Variants in KATNIP observed in about 807,000 individuals in gnomAD.
The protein encoded by KATNIP is katanin-interacting protein.
KATNIP carries 126 observed loss-of-function variants against 174.0 expected under a neutral mutation model. That is an observed-to-expected ratio of 0.72 (90% CI 0.63 to 0.84). The LOEUF (loss-of-function observed/expected upper bound fraction) is 0.84. Ranked by LOEUF, KATNIP falls within the 40% of genes least tolerant of loss-of-function variation. The pLI, the probability that KATNIP is intolerant of heterozygous loss-of-function variation, is 0.00. For missense variants in KATNIP, 1,958 were observed against 2,109.7 expected (o/e 0.93, Z 1.41); for synonymous variants, 810 against 835.7 (o/e 0.97, Z 0.53).
At position 27,633,929 on chromosome 16, in the gene KATNIP, G is replaced by A. The variant is rs2076564032; in HGVS notation, c.408+2767G>A. Among the ~76,000 whole-genome samples the A allele has an allele frequency of 2.0e-5, 3 of 152,208 alleles. No homozygotes were observed. In the South Asian group the frequency reaches 6.2e-4, roughly 31 times the overall value. ...TAACTGGGGAAGGGTGTCCCTGCCT[G>A]ATCTCAGTGCTGAGGAGCAAGGCCT... On this transcript the variant is annotated intron_variant, in intron 5 of 27. Coordinates refer to ENST00000261588, the MANE Select transcript of KATNIP (RefSeq NM_015202.5).
At chr16:27,750,925 A>G (rs1301765308) in intron 16 of KATNIP, among the ~76,000 whole-genome samples, 1 of 151,276 alleles carries the variant, frequency 6.6e-6, no homozygotes, top group East Asian at 2.0e-4. Flanking sequence ...ACGAGGTTTC[A>G]CCATGTTACC....
chr16:27,711,481 A>C (rs2079570151), intron 13 of KATNIP, among the ~76,000 whole-genome samples: 1 of 152,214 alleles, frequency 6.6e-6, no homozygotes, highest in South Asian at 2.1e-4. Context: ...CCCTTAGTTC[A>C]TACAGCAACC....
chr16:27,721,351 T>C (rs1034469304), intron 13 of KATNIP, among the ~76,000 whole-genome samples: 1 of 152,062 alleles, frequency 6.6e-6, no homozygotes, highest in Non-Finnish European at 1.5e-5. Flanking sequence ...GGGGGTGGGA[T>C]GGGGTCAGTA....
At chr16:27,591,704 C>T (rs140798207) in intron 2 of KATNIP, among the ~76,000 whole-genome samples, 336 of 152,240 alleles carry the variant, frequency 2.2e-3, no homozygotes, top group African/African-American at 7.4e-3. Flanking sequence ...AATATGTTAG[C>T]GCCCTTCATC....
At position 27,618,610 on chromosome 16, in the gene KATNIP, C is replaced by G. The variant is rs563719609; in HGVS notation, c.140+109C>G. The G allele has an allele frequency of 2.4e-5, 17 of 720,538 alleles. No individual in the cohort carries two copies. In the South Asian group the frequency reaches 2.6e-4, roughly 11 times the overall value. 44.6% of individuals were successfully genotyped at this position (720,538 alleles called of 1,614,324 possible). ...CTCACATAGGAATGGGATGCAGAGT[C>G]CCCCTCCACTCAGAGGCTTAGAATA... On this transcript the variant is annotated intron_variant, in intron 3 of 27. Transcript: ENST00000261588.
intron 2 of KATNIP, among the ~76,000 whole-genome samples, chr16:27,610,955 G>C (rs1288218211): frequency 6.6e-6 from 1 of 152,132 alleles, no homozygotes; most frequent in African/African-American, 2.4e-5. Context: ...TCCCACCTTT[G>C]CTTCGAGTTG....
intron 2 of KATNIP, among the ~76,000 whole-genome samples, chr16:27,610,227 G>A (rs1470020663): frequency 6.6e-6 from 1 of 152,124 alleles, no homozygotes; most frequent in African/African-American, 2.4e-5. Context: ...GCAGGGAGGA[G>A]GCAAGAGCAG....
At chr16:27,712,332 C>T (rs541052917) in intron 13 of KATNIP, among the ~76,000 whole-genome samples, 2 of 152,238 alleles carry the variant, frequency 1.3e-5, no homozygotes, top group Non-Finnish European at 2.9e-5. Flanking sequence ...CCGGGGCTAC[C>T]GGAACACACT....
intron 13 of KATNIP, among the ~76,000 whole-genome samples, chr16:27,717,069 C>G (rs966123616): frequency 6.6e-6 from 1 of 152,072 alleles, no homozygotes; most frequent in Non-Finnish European, 1.5e-5. Context: ...GTCTCGAACT[C>G]CTGACCTCGT....
chr16:27,771,602 G>T lies in KATNIP; in HGVS notation c.4148G>T (p.Ser1383Ile). 6.2e-7 allele frequency: 1 copy of T among 1,613,430 alleles called. No homozygotes were observed. Among genetic ancestry groups the T allele is most frequent in the Non-Finnish European group, 8.5e-7 (1 of 1,179,666 alleles). Residue 1383 changes from serine to isoleucine, a missense_variant, in exon 22 of 28, where the codon AGC (serine) becomes ATC (isoleucine). Coordinates refer to ENST00000261588, the MANE Select transcript of KATNIP (RefSeq NM_015202.5). The stretch of plus-strand genomic sequence containing the variant: ...TGCTTTTTCAGGCTGGACATGAGAA[G>T]CCTGGAGTGTGCAAGCATGGACTAC... ...PQPARRLDMR[S>I]LECASMDYEA...
Position 27,628,549 on chromosome 16 carries a change from G to C in KATNIP, c.141-112G>C, listed in dbSNP as rs558309101. 88 of 1,166,092 alleles carry C rather than the reference G, an allele frequency of 7.5e-5. 1 individual carries two copies. Among genetic ancestry groups the C allele is most frequent in the Non-Finnish European group, 9.8e-5 (79 of 806,912 alleles). 72.2% of individuals were successfully genotyped at this position (1,166,092 alleles called of 1,614,324 possible). A position where few individuals can be genotyped will look rare whatever the true frequency, so the allele number is the denominator to read the frequency against. ...AAACAGCTGGGCACACGCCCCCTGG[G>C]CTCTGATTAGAGACGCTTCACTGTG... On this transcript the variant is annotated intron_variant, in intron 3 of 27. Transcript: ENST00000261588.
At chr16:27,587,205 A>G (rs1452587506) in intron 2 of KATNIP, among the ~76,000 whole-genome samples, 1 of 152,230 alleles carries the variant, frequency 6.6e-6, no homozygotes, top group African/African-American at 2.4e-5. Context: ...GAATTAAAAG[A>G]CTAATACATG....
rs74016990 is a variant in KATNIP at position 27,732,108 on chromosome 16, T to C, written c.1744-7933T>C. 2.5e-3 allele frequency among the ~76,000 whole-genome samples: 385 copies of C among 152,328 alleles called. 2 individuals are homozygous for C. Among genetic ancestry groups the C allele is most frequent in the African/African-American group, 8.8e-3 (366 of 41,564 alleles). On this transcript the variant is annotated intron_variant, in intron 14 of 27. Coordinates refer to ENST00000261588, the MANE Select transcript of KATNIP (RefSeq NM_015202.5). ...GTAAATATTACTAATAATTCTAAAA[T>C]TCTTAAATGCTTGGTGAGCTAAACG...
At position 27,631,062 on chromosome 16, in the gene KATNIP, C is replaced by T; in HGVS notation, c.311-3C>T. On this transcript the variant is annotated splice_polypyrimidine_tract_variant and splice_region_variant and intron_variant, in intron 4 of 27. Coordinates refer to ENST00000261588, the MANE Select transcript of KATNIP (RefSeq NM_015202.5). ...AAGTCTCCTTCCCTCGTCTCTGGTGCAGATTATGGACGAAGAACTCTGTTT... is the reference window on the plus strand; with the variant it reads ...AAGTCTCCTTCCCTCGTCTCTGGTGTAGATTATGGACGAAGAACTCTGTTT... The T allele has an allele frequency of 6.4e-7, 1 of 1,562,128 alleles. No homozygotes were observed.
intron 20 of KATNIP, among the ~76,000 whole-genome samples, chr16:27,766,933 G>A (rs1331883869): frequency 2.0e-5 from 3 of 152,176 alleles, no homozygotes; most frequent in African/African-American, 7.2e-5. Flanking sequence ...AGGCCACACA[G>A]CTGGAGTCTC....
intron 2 of KATNIP, among the ~76,000 whole-genome samples, chr16:27,597,394 TTTC>T (rs1246304962): frequency 7.3e-6 from 1 of 136,842 alleles, no homozygotes; most frequent in African/African-American, 2.8e-5. Context: ...TTTAATGTAT[TTTC>T]TTTTCTTTTT....
chr16:27,600,769 T>A (rs2075496451), intron 2 of KATNIP, among the ~76,000 whole-genome samples: 1 of 151,440 alleles, frequency 6.6e-6, no homozygotes, highest in Admixed American at 6.6e-5. Context: ...TAATCTTGTT[T>A]CCCAGGCAGG....
chr16:27,660,574 C>G (rs2077441346), intron 6 of KATNIP, among the ~76,000 whole-genome samples: 2 of 151,512 alleles, frequency 1.3e-5, no homozygotes, highest in Non-Finnish European at 2.9e-5. Context: ...ACAACAACAA[C>G]AAATCCATCG....
At chr16:27,726,184 T>G (rs1013989125) in intron 14 of KATNIP, among the ~76,000 whole-genome samples, 2 of 152,182 alleles carry the variant, frequency 1.3e-5, no homozygotes, top group African/African-American at 4.8e-5. Context: ...TGCACGCTCC[T>G]TATGAGAATC....
Sources: allele counts gnomAD v4.1 joint callset (sites outside exome capture counted in the v4.1 genomes callset), GRCh38; gene constraint gnomAD v4.1.1; transcripts MANE v1.5; gene names NCBI Gene and HGNC (gene_info 2026-07-23, HGNC 2026-07-21).